The following TNFAIP8 variants were observed in gnomAD, a reference collection of about 807,000 sequenced individuals.
TNFAIP8 encodes tumor necrosis factor alpha-induced protein 8.
Under a neutral mutation model 13.3 loss-of-function variants are expected in TNFAIP8, and 7 were observed. That is an observed-to-expected ratio of 0.52 (90% CI 0.30 to 0.99). The LOEUF is 0.99. TNFAIP8 is among the 50% of genes least tolerant of loss of function. TNFAIP8 has a pLI of 0.07. For synonymous variants in TNFAIP8, 94 were observed against 87.6 expected (o/e 1.07, Z -0.41); for missense variants, 258 against 236.9 (o/e 1.09, Z -0.58).
chr5:119,329,418 C>G (rs529090243), intron 1 of TNFAIP8, among the ~76,000 whole-genome samples: 1 of 152,172 alleles, frequency 6.6e-6, no homozygotes, highest in Non-Finnish European at 1.5e-5. Context: ...AGTCTCTGCC[C>G]CTGTGCTGGC....
chr5:119,330,361 C>G (rs1750338962), intron 1 of TNFAIP8, among the ~76,000 whole-genome samples: 1 of 152,156 alleles, frequency 6.6e-6, no homozygotes, highest in African/African-American at 2.4e-5. Context: ...TTTATGCAGA[C>G]ACAAATGTCA....
intron 1 of TNFAIP8, among the ~76,000 whole-genome samples, chr5:119,375,093 C>T (rs993335148): frequency 2.0e-5 from 3 of 152,142 alleles, no homozygotes; most frequent in African/African-American, 7.2e-5. Flanking sequence ...TATGAGGGCC[C>T]AGCCAAAACA....
At chr5:119,367,030 A>T (rs533788648) in intron 1 of TNFAIP8, among the ~76,000 whole-genome samples, 26 of 152,318 alleles carry the variant, frequency 1.7e-4, no homozygotes, top group African/African-American at 5.5e-4. Context: ...CGGGTAAATT[A>T]TAATTGCTGC....
At chr5:119,314,936 C>T (rs572452336) in intron 1 of TNFAIP8, among the ~76,000 whole-genome samples, 13 of 152,302 alleles carry the variant, frequency 8.5e-5, no homozygotes, top group African/African-American at 3.1e-4. Flanking sequence ...GGCTGGAGTG[C>T]AGTGGCATGA....
chr5:119,297,693 G>A (rs1345581760), intron 1 of TNFAIP8, among the ~76,000 whole-genome samples: 1 of 152,162 alleles, frequency 6.6e-6, no homozygotes, highest in Non-Finnish European at 1.5e-5. Flanking sequence ...TCTGTCTAAT[G>A]TTGACAGTTG....
rs532713588 is a variant in TNFAIP8, at chr5:119,359,085, C to G, written c.31+2964C>G. 2.0e-5 allele frequency among the ~76,000 whole-genome samples: 3 copies of G among 152,280 alleles called. No homozygotes were observed. In the East Asian group the frequency reaches 5.8e-4, roughly 29 times the overall value. On this transcript the variant is annotated intron_variant, in intron 1 of 1. Coordinates refer to ENST00000504771, the MANE Select transcript of TNFAIP8 (RefSeq NM_014350.4). ...GTTCCCAGACTGACAGACTCATCTC[C>G]GTCCACATCTATCCTCCCTGTGTCT...
chr5:119,368,774 T>C (rs1328898858), intron 1 of TNFAIP8, among the ~76,000 whole-genome samples: 1 of 152,154 alleles, frequency 6.6e-6, no homozygotes, highest in Admixed American at 6.5e-5. Context: ...AACTTAGCAA[T>C]AAACCATGTT....
At chr5:119,307,450 G>A (rs527669730) in intron 1 of TNFAIP8, among the ~76,000 whole-genome samples, 74 of 152,264 alleles carry the variant, frequency 4.9e-4, no homozygotes, top group Non-Finnish European at 7.9e-4. Context: ...GCTAGCTTCT[G>A]TGTTTTTCAG....
chr5:119,313,441 C>T (rs896644502), intron 1 of TNFAIP8, among the ~76,000 whole-genome samples: 6 of 152,128 alleles, frequency 3.9e-5, no homozygotes, highest in African/African-American at 1.4e-4. Flanking sequence ...CTTGAGACCA[C>T]CATTGCCAGA....
At position 119,292,664 on chromosome 5, in the gene TNFAIP8, A is replaced by ATG. The variant is rs1749026188; in HGVS notation, c.1+23758_1+23759insGT. On this transcript the variant is annotated intron_variant, in intron 1 of 1. Coordinates refer to the TNFAIP8 transcript ENST00000274456. The stretch of plus-strand genomic sequence containing the variant: ...ATGTAGCATATATATATATATATAT[A>ATG]TATATATATATATATATATATACAC... Among the ~76,000 whole-genome samples the ATG allele has an allele frequency of 2.1e-4, 9 of 42,774 alleles. 1 individual carries two copies. Among genetic ancestry groups the ATG allele is most frequent in the Non-Finnish European group, 4.9e-4 (8 of 16,198 alleles). 28.1% of individuals were successfully genotyped at this position (42,774 alleles called of 152,430 possible).
intron 1 of TNFAIP8, among the ~76,000 whole-genome samples, chr5:119,295,745 A>G (rs547093863): frequency 9.8e-4 from 149 of 152,200 alleles, no homozygotes; most frequent in Non-Finnish European, 1.7e-3. Flanking sequence ...CACGATGTTG[A>G]TTCTTCCTAC....
At chr5:119,278,056 G>T (rs1230967931) in intron 1 of TNFAIP8, among the ~76,000 whole-genome samples, 1 of 152,100 alleles carries the variant, frequency 6.6e-6, no homozygotes, top group Non-Finnish European at 1.5e-5. Flanking sequence ...TAGCAGGAGG[G>T]ACACAATTCA....
At chr5:119,346,028 G>A (rs1426404222) in intron 1 of TNFAIP8, among the ~76,000 whole-genome samples, 1 of 152,150 alleles carries the variant, frequency 6.6e-6, no homozygotes, top group Non-Finnish European at 1.5e-5. Context: ...TGGGCCGTGG[G>A]TCTGATAGAG....
intron 1 of TNFAIP8, among the ~76,000 whole-genome samples, chr5:119,291,539 C>T (rs1286360043): frequency 6.6e-6 from 1 of 152,210 alleles, no homozygotes; most frequent in Non-Finnish European, 1.5e-5. Context: ...TTTTTAGCTT[C>T]AAAGAGTGTT....
At chr5:119,284,184 G>A (rs1581568537) in intron 1 of TNFAIP8, among the ~76,000 whole-genome samples, 2 of 152,224 alleles carry the variant, frequency 1.3e-5, no homozygotes, top group South Asian at 2.1e-4. Context: ...AAGGTCAGAG[G>A]CAATCTGATG....
intron 1 of TNFAIP8, among the ~76,000 whole-genome samples, chr5:119,278,582 G>A (rs1341935558): frequency 6.6e-6 from 1 of 152,092 alleles, no homozygotes; most frequent in Non-Finnish European, 1.5e-5. Context: ...GGCATTGAGG[G>A]AGAACCTCTA....
intron 1 of TNFAIP8, among the ~76,000 whole-genome samples, chr5:119,294,098 A>T (rs1331246063): frequency 6.6e-6 from 1 of 151,786 alleles, no homozygotes; most frequent in Admixed American, 6.6e-5. Context: ...CACAGTGTGC[A>T]GGTTAGTTAC....
At chr5:119,275,158 A>G (rs1039777654) in intron 1 of TNFAIP8, among the ~76,000 whole-genome samples, 4 of 152,208 alleles carry the variant, frequency 2.6e-5, no homozygotes, top group Non-Finnish European at 5.9e-5. Flanking sequence ...AGAAATAACA[A>G]AGTTGTTTTT....
intron 1 of TNFAIP8, among the ~76,000 whole-genome samples, chr5:119,321,634 G>A (rs898277310): frequency 6.6e-6 from 1 of 152,116 alleles, no homozygotes; most frequent in Admixed American, 6.5e-5. Context: ...TCACCTGGCA[G>A]CAAGTTCTTT....
Sources: gnomAD v4.1 joint callset for allele counts (sites outside exome capture counted in the v4.1 genomes callset) on GRCh38, gnomAD v4.1.1 for gene constraint, MANE v1.5 for transcripts, NCBI Gene and HGNC (gene_info 2026-07-23, HGNC 2026-07-21) for gene names.